The following WASL variants were observed in gnomAD, a reference collection of about 807,000 sequenced individuals.
The protein encoded by WASL is actin nucleation-promoting factor WASL.
In WASL, 20 loss-of-function variants were observed where a neutral mutation model predicts 55.5. The ratio of observed to expected loss-of-function variants is 0.36; its 90% confidence interval spans 0.25 to 0.52. The LOEUF is 0.52. Among genes scored for constraint, WASL ranks in the 20% least tolerant of loss-of-function variants. The pLI, the probability that WASL is intolerant of heterozygous loss-of-function variation, is 0.92. For missense variants in WASL, 504 were observed against 622.5 expected, an observed-to-expected ratio of 0.81 and a Z score of 2.03; for synonymous variants, 249 against 217.6, an observed-to-expected ratio of 1.14 and a Z score of -1.27.
chr7:123,698,270 T>C (rs1427764418), intron 5 of WASL, among the ~76,000 whole-genome samples: 1 of 152,074 alleles, frequency 6.6e-6, no homozygotes, highest in Non-Finnish European at 1.5e-5. Flanking sequence ...TGTATATTAG[T>C]TGATCCTTAA....
intron 1 of WASL, among the ~76,000 whole-genome samples, chr7:123,727,312 T>C (rs1804062912): frequency 1.3e-5 from 2 of 151,862 alleles, no homozygotes; most frequent in Middle Eastern, 3.4e-3. Context: ...AGTGACAATG[T>C]AATTCCTGAG....
rs545773662 is a variant in WASL at position 123,740,824 on chromosome 7, G to C, written c.117+7794C>G. The stretch of plus-strand genomic sequence containing the variant: ...TGGTGGCAAACTACTGGCCTCAAGT[G>C]ATCTTCCTGCCTCAGCCTCCCAAAG... On this transcript the variant is annotated intron_variant, in intron 1 of 10. Transcript: ENST00000223023. 2.6e-5 allele frequency among the ~76,000 whole-genome samples: 4 copies of C among 152,226 alleles called. No homozygotes were observed. The South Asian group carries it at 6.2e-4, about 24-fold the overall frequency.
At position 123,726,733 on chromosome 7, in the gene WASL, G is replaced by A. The variant is rs1804045983; in HGVS notation, c.118-17510C>T. Among the ~76,000 whole-genome samples the A allele has an allele frequency of 3.3e-5, 5 of 152,198 alleles. No individual in the cohort carries two copies. In the South Asian group the frequency reaches 1.0e-3, roughly 32 times the overall value. ...ATAGATAAATTAGCTGAGTGTGTTG[G>A]CACGCACCTGTAATCCCAGCTGCTC... On this transcript the variant is annotated intron_variant, in intron 1 of 10. Coordinates refer to ENST00000223023, the MANE Select transcript of WASL (RefSeq NM_003941.4).
At chr7:123,748,569 G>A (rs1444674498) in intron 1 of WASL, 49 bp downstream of exon 1, 1 of 1,587,356 alleles carries the variant, frequency 6.3e-7, no homozygotes, top group South Asian at 1.1e-5. Flanking sequence ...CCCAAGCCCG[G>A]GCCCGTGAGG....
rs1017179238 is a variant in WASL, at chr7:123,695,981, G to A, written c.630-116C>T. The stretch of plus-strand genomic sequence containing the variant: ...TTTGAATTTTTGGTCTGAACTAACA[G>A]TTCTCACAGACATAACCATATTGTG... On this transcript the variant is annotated intron_variant, in intron 6 of 10. Transcript: ENST00000223023. 106 of 850,124 alleles carry A rather than the reference G, an allele frequency of 1.2e-4. 1 individual carries two copies. Among genetic ancestry groups the A allele is most frequent in the Non-Finnish European group, 1.9e-4 (103 of 530,318 alleles). 52.7% of individuals were successfully genotyped at this position (850,124 alleles called of 1,614,324 possible). A position where few individuals can be genotyped will look rare whatever the true frequency, so the allele number is the denominator to read the frequency against.
intron 1 of WASL, among the ~76,000 whole-genome samples, chr7:123,732,639 G>T (rs1489957981): frequency 6.6e-6 from 1 of 152,168 alleles, no homozygotes; most frequent in African/African-American, 2.4e-5. Flanking sequence ...ATACATGATA[G>T]AAATCTCTTC....
intron 5 of WASL, among the ~76,000 whole-genome samples, chr7:123,701,984 G>A (rs1399971826): frequency 6.7e-6 from 1 of 149,576 alleles, no homozygotes; most frequent in Non-Finnish European, 1.5e-5. Flanking sequence ...AAAGAAGTCT[G>A]AAACCACTGG....
intron 5 of WASL, among the ~76,000 whole-genome samples, chr7:123,699,752 A>T (rs930802549): frequency 2.0e-5 from 3 of 152,214 alleles, no homozygotes; most frequent in African/African-American, 7.2e-5. Context: ...AATGAGTAAC[A>T]ATGTTTAACT....
chr7:123,688,352 T>C (rs957652218), intron 10 of WASL, among the ~76,000 whole-genome samples: 1 of 152,014 alleles, frequency 6.6e-6, no homozygotes, highest in Non-Finnish European at 1.5e-5. Flanking sequence ...GATTTATTAT[T>C]ATTATTATTT....
At chr7:123,702,350 C>T (rs906636156) in intron 5 of WASL, among the ~76,000 whole-genome samples, 2 of 152,158 alleles carry the variant, frequency 1.3e-5, no homozygotes, top group Admixed American at 6.5e-5. Context: ...GCCACCGCGC[C>T]CGGCCTGAAA....
chr7:123,688,681 G>C (rs1803342722), intron 10 of WASL, among the ~76,000 whole-genome samples: 1 of 152,090 alleles, frequency 6.6e-6, no homozygotes, highest in Non-Finnish European at 1.5e-5. Context: ...TCATGTCACA[G>C]TAATGTCACA....
At chr7:123,726,210 C>T (rs1048904279) in intron 1 of WASL, among the ~76,000 whole-genome samples, 7 of 151,892 alleles carry the variant, frequency 4.6e-5, no homozygotes, top group Non-Finnish European at 8.8e-5. Context: ...CATATAAGGT[C>T]AATTATTATT....
intron 1 of WASL, among the ~76,000 whole-genome samples, chr7:123,737,746 A>T (rs1476594006): frequency 6.6e-6 from 1 of 152,164 alleles, no homozygotes; most frequent in African/African-American, 2.4e-5. Context: ...TAAAGATTTA[A>T]ATGTTCAAAA....
chr7:123,736,131 A>C (rs1294451739), intron 1 of WASL, among the ~76,000 whole-genome samples: 1 of 152,192 alleles, frequency 6.6e-6, no homozygotes, highest in Non-Finnish European at 1.5e-5. Flanking sequence ...GTATCTTTAA[A>C]GAACAGAAAG....
chr7:123,695,443 G>A (rs561068832), intron 7 of WASL, among the ~76,000 whole-genome samples: 2 of 152,238 alleles, frequency 1.3e-5, no homozygotes, highest in East Asian at 3.9e-4. Context: ...AAAAAGAACA[G>A]GAGAATGAAA....
At chr7:123,715,606 A>C (rs566238430) in intron 1 of WASL, among the ~76,000 whole-genome samples, 32 of 152,326 alleles carry the variant, frequency 2.1e-4, no homozygotes, top group Non-Finnish European at 4.0e-4. Context: ...TACAAATCAT[A>C]AAAGTTTTAG....
At chr7:123,743,054 T>C (rs1029912408) in intron 1 of WASL, among the ~76,000 whole-genome samples, 2 of 152,102 alleles carry the variant, frequency 1.3e-5, no homozygotes, top group African/African-American at 4.8e-5. Context: ...AAGGGAGAAA[T>C]GGCCAGGCAC....
At chr7:123,696,768 T>G in intron 5 of WASL, 21 bp from the exon 6 acceptor site, 1 of 1,452,270 alleles carries the variant, frequency 6.9e-7, no homozygotes, top group Non-Finnish European at 9.1e-7. Context: ...AACCAAATTA[T>G]ATAAAAGGGA....
rs1186011004 is a variant in WASL, at chr7:123,747,438, A to C, written c.117+1180T>G. On this transcript the variant is annotated intron_variant, in intron 1 of 10. Coordinates refer to ENST00000223023, the MANE Select transcript of WASL (RefSeq NM_003941.4). ...ATGGAACGATTCAATCTCCAACCGG[A>C]TGGCACAAGATACAAAGGGTGGACT... is the stretch of plus-strand genomic sequence containing the variant. Among the ~76,000 whole-genome samples, 3 of 152,340 alleles carry C rather than the reference A, an allele frequency of 2.0e-5. No individual in the cohort carries two copies. The East Asian group carries it at 5.8e-4, about 29-fold the overall frequency.
Sources: allele counts gnomAD v4.1 joint callset (sites outside exome capture counted in the v4.1 genomes callset), GRCh38; gene constraint gnomAD v4.1.1; transcripts MANE v1.5; gene names NCBI Gene and HGNC (gene_info 2026-07-23, HGNC 2026-07-21).